GRID2: variants seen among roughly 807,000 people sequenced by gnomAD.
GRID2 encodes the protein glutamate receptor ionotropic, delta-2.
A neutral mutation model predicts 114.8 loss-of-function variants in GRID2; 33 were observed. The ratio of observed to expected loss-of-function variants is 0.29; its 90% CI spans 0.22 to 0.38. GRID2 has a LOEUF of 0.38. Ranked by LOEUF, GRID2 falls within the 10% of genes least tolerant of loss-of-function variation. The pLI is 1.00. For missense variants in GRID2, 1,184 were observed against 1,257.7 expected (o/e 0.94, Z 0.89); for synonymous variants, 505 against 449.9 (o/e 1.12, Z -1.55).
rs1232384816 is a variant in GRID2 at position 93,352,717 on chromosome 4, G to A, written c.1246-42890G>A. On this transcript the variant is annotated intron_variant, in intron 8 of 15. Coordinates refer to ENST00000282020, the MANE Select transcript of GRID2 (RefSeq NM_001510.4). Reference sequence around the variant, plus strand: ...AATATTTATCCATGGGCAACAGAATGTCTCCCCAATACAGAGATAAGAAAA... The same window carrying A: ...AATATTTATCCATGGGCAACAGAATATCTCCCCAATACAGAGATAAGAAAA... Among the ~76,000 whole-genome samples, 3 of 152,152 alleles carry A rather than the reference G, an allele frequency of 2.0e-5. No homozygotes were observed. In the East Asian group the frequency reaches 5.8e-4, roughly 29 times the overall value.
chr4:93,308,743 AC>A lies in GRID2; in HGVS notation c.1245+70255del, dbSNP rs1755701277. Among the ~76,000 whole-genome samples, 24 of 152,262 alleles carry A rather than the reference AC, an allele frequency of 1.6e-4. No individual in the cohort carries two copies. In the South Asian group the frequency reaches 5.0e-3, roughly 32 times the overall value. ...TTACAATGTACACAAAATGGCTGTC[AC>A]CAATGCAATAAGACTTTTTCCAAAA... On this transcript the variant is annotated intron_variant, in intron 8 of 15. Transcript: ENST00000282020.
chr4:92,442,345 A>G lies in GRID2; in HGVS notation c.88+137601A>G, dbSNP rs200937375. Among the ~76,000 whole-genome samples the G allele has an allele frequency of 1.1e-3, 167 of 152,058 alleles. 1 individual carries two copies. The East Asian group carries it at 0.016, about 15-fold the overall frequency. Reference sequence around the variant, plus strand: ...ACAGTCCGATTTTCAGTGGGGTCCTACACAGATGGGACACGGCTTAGGAGG... The same window carrying G: ...ACAGTCCGATTTTCAGTGGGGTCCTGCACAGATGGGACACGGCTTAGGAGG... On this transcript the variant is annotated intron_variant, in intron 1 of 15. Coordinates refer to ENST00000282020, the MANE Select transcript of GRID2 (RefSeq NM_001510.4).
chr4:93,705,581 T>G (rs748665303), intron 14 of GRID2, among the ~76,000 whole-genome samples: 11 of 152,204 alleles, frequency 7.2e-5, no homozygotes, highest in Non-Finnish European at 1.3e-4. Flanking sequence ...TTCTGGTTAT[T>G]AATCCCTTGT....
intron 2 of GRID2, among the ~76,000 whole-genome samples, chr4:92,928,033 A>G (rs1464794156): frequency 6.6e-6 from 1 of 151,628 alleles, no homozygotes; most frequent in African/African-American, 2.4e-5. Flanking sequence ...AGGTTGCTCA[A>G]CCTGTATAAG....
At chr4:92,333,820 C>A (rs1727023564) in intron 1 of GRID2, among the ~76,000 whole-genome samples, 1 of 152,096 alleles carries the variant, frequency 6.6e-6, no homozygotes, top group African/African-American at 2.4e-5. Context: ...GCATCAAATT[C>A]CTGGTTTCAA....
chr4:92,363,907 C>A (rs188438453), intron 1 of GRID2, among the ~76,000 whole-genome samples: 82 of 150,530 alleles, frequency 5.4e-4, no homozygotes, highest in African/African-American at 1.9e-3. Context: ...GCAGCCTCCA[C>A]CTCCTGGGTT....
chr4:92,921,198 A>C lies in GRID2; in HGVS notation c.245-163797A>C, dbSNP rs553799776. 2.9e-4 allele frequency among the ~76,000 whole-genome samples: 44 copies of C among 152,220 alleles called. No homozygotes were observed. In the East Asian group the frequency reaches 8.3e-3, roughly 29 times the overall value. The stretch of plus-strand genomic sequence containing the variant: ...TTCTCATGCCATGGTTTTCAGCTTC[A>C]TCAGGTCCTTTAAGGACTTCTCTGC... On this transcript the variant is annotated intron_variant, in intron 2 of 15. Coordinates refer to ENST00000282020, the MANE Select transcript of GRID2 (RefSeq NM_001510.4).
At chr4:92,774,770 AT>A (rs2149354522) in intron 2 of GRID2, among the ~76,000 whole-genome samples, 1 of 151,688 alleles carries the variant, frequency 6.6e-6, no homozygotes, top group African/African-American at 2.4e-5. Flanking sequence ...TAATTTGTGT[AT>A]TTTTTGTAGA....
intron 8 of GRID2, among the ~76,000 whole-genome samples, chr4:93,377,470 C>T (rs576311070): frequency 2.6e-5 from 4 of 152,096 alleles, no homozygotes; most frequent in Admixed American, 6.6e-5. Context: ...GACAGGGTTT[C>T]GGCTTGGCAG....
chr4:93,800,329 C>T (rs1045607154), intron 1 of GRID2, among the ~76,000 whole-genome samples: 4 of 152,098 alleles, frequency 2.6e-5, no homozygotes, highest in African/African-American at 7.2e-5. Context: ...ATGATATGAC[C>T]CTTTCTGGGC....
chr4:93,068,181 T>A (rs996812071), intron 2 of GRID2, among the ~76,000 whole-genome samples: 15 of 152,170 alleles, frequency 9.9e-5, no homozygotes, highest in Non-Finnish European at 2.2e-4. Flanking sequence ...TCCTTCAGTT[T>A]AAAAAATGTG....
chr4:92,856,348 G>T (rs971043303), intron 2 of GRID2, among the ~76,000 whole-genome samples: 1 of 151,646 alleles, frequency 6.6e-6, no homozygotes, highest in Non-Finnish European at 1.5e-5. Context: ...CAGTCCCTTC[G>T]CTCCTTACCA....
At chr4:93,270,490 G>T (rs767786992) in intron 8 of GRID2, among the ~76,000 whole-genome samples, 3 of 152,106 alleles carry the variant, frequency 2.0e-5, no homozygotes, top group Non-Finnish European at 4.4e-5. Context: ...CTCTGTAAAA[G>T]CTCTTAATGT....
intron 2 of GRID2, among the ~76,000 whole-genome samples, chr4:92,982,715 T>C (rs1445041915): frequency 6.6e-6 from 1 of 152,156 alleles, no homozygotes; most frequent in African/African-American, 2.4e-5. Context: ...TTGTAAAGTC[T>C]GCTTTTTCAT....
At chr4:92,309,378 CATG>C (rs1725582320) in intron 1 of GRID2, among the ~76,000 whole-genome samples, 1 of 151,848 alleles carries the variant, frequency 6.6e-6, no homozygotes, top group Non-Finnish European at 1.5e-5. Context: ...ATTGGATCAT[CATG>C]ATATTTTAGA....
intron 8 of GRID2, among the ~76,000 whole-genome samples, chr4:93,331,227 T>G (rs2149228431): frequency 6.7e-6 from 1 of 150,212 alleles, no homozygotes; most frequent in Middle Eastern, 3.4e-3. Context: ...GTTCCTTGAA[T>G]ATTTCTCTCT....
intron 13 of GRID2, among the ~76,000 whole-genome samples, chr4:93,570,966 C>A (rs1052237043): frequency 6.6e-6 from 1 of 152,108 alleles, no homozygotes; most frequent in Non-Finnish European, 1.5e-5. Flanking sequence ...GCCTTTCTTT[C>A]ATTCATCCAT....
intron 10 of GRID2, among the ~76,000 whole-genome samples, chr4:93,444,787 GATTAC>G (rs1321532732): frequency 1.3e-5 from 2 of 151,900 alleles, no homozygotes; most frequent in African/African-American, 2.4e-5. Flanking sequence ...ATTTCTCTAA[GATTAC>G]ATTACATTAT....
At chr4:92,782,775 C>T (rs947931788) in intron 2 of GRID2, among the ~76,000 whole-genome samples, 2 of 151,802 alleles carry the variant, frequency 1.3e-5, no homozygotes, top group Admixed American at 6.6e-5. Context: ...CCTGGAGGGT[C>T]GAAGGTGAGA....
Sources: gnomAD v4.1 joint callset for allele counts (sites outside exome capture counted in the v4.1 genomes callset) on GRCh38, gnomAD v4.1.1 for gene constraint, MANE v1.5 for transcripts, NCBI Gene and HGNC (gene_info 2026-07-23, HGNC 2026-07-21) for gene names.